ERICH1: variants seen among roughly 807,000 people sequenced by gnomAD.
ERICH1 encodes glutamate rich 1.
A neutral mutation model predicts 39.6 loss-of-function variants in ERICH1; 56 were observed. The ratio of observed to expected loss-of-function variants is 1.41; its 90% CI spans 1.14 to 1.77. The LOEUF (loss-of-function observed/expected upper bound fraction) is 1.77, where lower values mean the gene tolerates loss of function less well. Among genes scored for constraint, ERICH1 ranks in the 40% most tolerant of loss-of-function variants. ERICH1 has a pLI of 0.00. For synonymous variants in ERICH1, 313 were observed against 223.6 expected, an observed-to-expected ratio of 1.40 and a Z score of -3.57; for missense variants, 826 against 575.4, an observed-to-expected ratio of 1.44 and a Z score of -4.45.
intron 2 of ERICH1, among the ~76,000 whole-genome samples, chr8:715,098 G>A (rs1815570838): frequency 6.6e-6 from 1 of 151,848 alleles, no homozygotes; most frequent in African/African-American, 2.4e-5. Context: ...GTCTCTCAGT[G>A]GGATGTGTTA....
At chr8:718,778 C>T (rs1332576390) in intron 1 of ERICH1, among the ~76,000 whole-genome samples, 1 of 152,190 alleles carries the variant, frequency 6.6e-6, no homozygotes, top group Non-Finnish European at 1.5e-5. Flanking sequence ...CCACAGAACC[C>T]CAAGGCCTCT....
At chr8:627,270 C>G (rs1797643814) in intron 3 of ERICH1, 1 of 455,126 alleles carries the variant, frequency 2.2e-6, no homozygotes, top group African/African-American at 2.0e-5. Flanking sequence ...ACTTACCTTA[C>G]AGGATTGAAA....
chr8:651,673 AG>A (rs1355710320), intron 3 of ERICH1, among the ~76,000 whole-genome samples: 1 of 115,486 alleles, frequency 8.7e-6, no homozygotes, highest in Non-Finnish European at 1.8e-5. Flanking sequence ...GGAGACGGGC[AG>A]GGTGGGGGAG....
At chr8:633,818 G>A (rs1248003508) in intron 3 of ERICH1, among the ~76,000 whole-genome samples, 1 of 152,230 alleles carries the variant, frequency 6.6e-6, no homozygotes, top group African/African-American at 2.4e-5. Context: ...CGATGGTGCT[G>A]GGAAACAGGA....
Position 673,470 on chromosome 8 carries a change from C to G in ERICH1, c.882G>C (p.Arg294Ser). The change falls in exon 4 of 6, where the codon AGG (arginine) becomes AGC (serine). Residue 294 changes from arginine to serine, a missense_variant. Transcript: ENST00000262109. ...CGCTGGCGTCCGCACCGTCCTCCTC[C>G]CTGGTGTCTTTACCGTCTTCCTCCC... is the stretch of plus-strand genomic sequence containing the variant. ...RAGEEDGKDT[R>S]EEDGADASEE... 1 of 1,611,316 alleles carries G rather than the reference C, an allele frequency of 6.2e-7. No homozygotes were observed. Among genetic ancestry groups the G allele is most frequent in the Non-Finnish European group, 8.5e-7 (1 of 1,179,776 alleles).
At chr8:653,003 A>T (rs1404540416) in intron 3 of ERICH1, among the ~76,000 whole-genome samples, 1 of 152,234 alleles carries the variant, frequency 6.6e-6, no homozygotes, top group Non-Finnish European at 1.5e-5. Context: ...GTTGCTGGGA[A>T]TGAAAAACGG....
At chr8:698,655 G>C (rs905777056) in intron 2 of ERICH1, among the ~76,000 whole-genome samples, 3 of 152,092 alleles carry the variant, frequency 2.0e-5, no homozygotes, top group Non-Finnish European at 2.9e-5. Flanking sequence ...TCACTCTGTT[G>C]CACAGGTTAG....
At chr8:674,220 T>C (rs1267264309) in intron 3 of ERICH1, among the ~76,000 whole-genome samples, 173 bp from the exon 4 acceptor site, 1 of 150,944 alleles carries the variant, frequency 6.6e-6, no homozygotes, top group African/African-American at 2.4e-5. Context: ...TAACGTAATA[T>C]AAATTAGCAG....
chr8:653,454 A>T (rs1198294064), intron 3 of ERICH1, among the ~76,000 whole-genome samples: 4 of 152,194 alleles, frequency 2.6e-5, no homozygotes, highest in Admixed American at 2.0e-4. Context: ...AATAAGGCAA[A>T]TGCCAACCTG....
chr8:639,054 A>G (rs983485859), intron 3 of ERICH1, among the ~76,000 whole-genome samples: 5 of 152,072 alleles, frequency 3.3e-5, no homozygotes, highest in African/African-American at 1.2e-4. Flanking sequence ...AGCAGGCCTC[A>G]CTGAAGACCA....
rs541632904 is a variant in ERICH1, at chr8:665,662, G to A, written c.1259-986C>T. On this transcript the variant is annotated intron_variant, in intron 5 of 5. Transcript: ENST00000262109. ...CAGTGCACGGTGGGAGGAACACTCA[G>A]GGAATGGCAGCTACTACTGATAAAG... Among the ~76,000 whole-genome samples, 6 of 152,356 alleles carry A rather than the reference G, an allele frequency of 3.9e-5. No homozygotes were observed. In the East Asian group the frequency reaches 1.2e-3, roughly 29 times the overall value.
exon 4 of ERICH1, chr8:614,854 T>G (rs754803017): frequency 1.5e-5 from 3 of 195,044 alleles, no homozygotes; most frequent in Non-Finnish European, 3.1e-5. Flanking sequence ...TCGTGACAGG[T>G]GGAAGTTGGA....
chr8:642,966 G>A (rs1483851343), intron 3 of ERICH1, among the ~76,000 whole-genome samples: 2 of 152,150 alleles, frequency 1.3e-5, no homozygotes, highest in South Asian at 2.1e-4. Context: ...GGGAGACGCC[G>A]CCGAGTCACT....
intron 3 of ERICH1, 92 bp downstream of exon 3, chr8:692,386 G>A (rs1809097469): frequency 2.6e-6 from 4 of 1,556,996 alleles, no homozygotes; most frequent in African/African-American, 1.4e-5. Flanking sequence ...CCCCAAGTAT[G>A]AATTTAGATA....
chr8:636,992 G>T (rs1798488632), intron 3 of ERICH1, among the ~76,000 whole-genome samples: 2 of 152,226 alleles, frequency 1.3e-5, no homozygotes. Context: ...GTTGGTTCAG[G>T]ACTTTAAGCC....
At chr8:692,684 C>A in intron 2 of ERICH1, 72 bp from the exon 3 acceptor site, 1 of 1,428,038 alleles carries the variant, frequency 7.0e-7, no homozygotes, top group Non-Finnish European at 9.3e-7. Flanking sequence ...GCCTTGATTA[C>A]ATCGGCATTG....
chr8:666,107 G>C (rs1802195282), intron 5 of ERICH1: 1 of 152,156 alleles, frequency 6.6e-6, no homozygotes, highest in African/African-American at 2.4e-5. Flanking sequence ...CCTACACACA[G>C]TTTAGTTCTA....
At chr8:696,329 CCT>C (rs1810264631) in intron 2 of ERICH1, among the ~76,000 whole-genome samples, 1 of 44,768 alleles carries the variant, frequency 2.2e-5, no homozygotes. Context: ...TGCGCTCGCT[CCT>C]CTCACCCTCC....
intron 3 of ERICH1, among the ~76,000 whole-genome samples, chr8:643,806 T>C (rs1318688887): frequency 6.6e-6 from 1 of 152,176 alleles, no homozygotes; most frequent in African/African-American, 2.4e-5. Flanking sequence ...CTTTTTATTG[T>C]AGTGAGGAAG....
Sources: gnomAD v4.1 joint callset for allele counts (sites outside exome capture counted in the v4.1 genomes callset) on GRCh38, gnomAD v4.1.1 for gene constraint, MANE v1.5 for transcripts, NCBI Gene and HGNC (gene_info 2026-07-23, HGNC 2026-07-21) for gene names.